The following DSCAM variants were observed in gnomAD, a reference collection of about 807,000 sequenced individuals.
DSCAM encodes the protein cell adhesion molecule DSCAM.
Under a neutral mutation model 217.7 loss-of-function variants are expected in DSCAM, and 47 were observed. The ratio of observed to expected loss-of-function variants is 0.22; its 90% CI spans 0.17 to 0.28. The LOEUF is 0.28. Among genes scored for constraint, DSCAM ranks in the 10% least tolerant of loss-of-function variants. DSCAM has a pLI of 1.00. For missense variants in DSCAM, 2,080 were observed against 2,618.3 expected (o/e 0.79, Z 4.49); for synonymous variants, 1,056 against 1,015.3 (o/e 1.04, Z -0.76).
At chr21:40,464,743 C>CTTTTCT (rs1555923277) in intron 3 of DSCAM, among the ~76,000 whole-genome samples, 1 of 141,248 alleles carries the variant, frequency 7.1e-6, no homozygotes, top group African/African-American at 2.6e-5. Flanking sequence ...CCAGAACCAT[C>CTTTTCT]TTTTTTTTTT....
At chr21:40,452,548 T>C (rs1228284929) in intron 3 of DSCAM, among the ~76,000 whole-genome samples, 2 of 152,150 alleles carry the variant, frequency 1.3e-5, no homozygotes, top group Non-Finnish European at 2.9e-5. Flanking sequence ...TTATACAAAG[T>C]ATAAAATATA....
chr21:40,463,876 C>T (rs541978205), intron 3 of DSCAM, among the ~76,000 whole-genome samples: 13 of 152,308 alleles, frequency 8.5e-5, no homozygotes, highest in African/African-American at 3.1e-4. Context: ...CACTAGAAAG[C>T]ACCTCTGAAG....
intron 10 of DSCAM, among the ~76,000 whole-genome samples, chr21:40,283,369 G>A (rs1030052107): frequency 2.6e-5 from 4 of 152,246 alleles, no homozygotes; most frequent in Middle Eastern, 3.4e-3. Flanking sequence ...TCAATGCTCC[G>A]TTACATGAAA....
chr21:40,796,397 A>T lies in DSCAM; in HGVS notation c.43+50222T>A, dbSNP rs573077972. ...ACTTGTGGCCAACAGTCAGTCCAACACGTAATGTGAGCACAAAATAAATCT... is the reference window on the plus strand; with the variant it reads ...ACTTGTGGCCAACAGTCAGTCCAACTCGTAATGTGAGCACAAAATAAATCT... On this transcript the variant is annotated intron_variant, in intron 1 of 32. Coordinates refer to ENST00000400454, the MANE Select transcript of DSCAM (RefSeq NM_001389.5). Among the ~76,000 whole-genome samples the T allele has an allele frequency of 2.0e-5, 3 of 152,362 alleles. No individual in the cohort carries two copies. In the South Asian group the frequency reaches 6.2e-4, roughly 32 times the overall value.
chr21:40,137,422 G>A (rs558741161), intron 18 of DSCAM, among the ~76,000 whole-genome samples: 143 of 152,164 alleles, frequency 9.4e-4, no homozygotes, highest in African/African-American at 3.3e-3. Context: ...CTATTTTCCT[G>A]ATGACAGATA....
intron 3 of DSCAM, among the ~76,000 whole-genome samples, chr21:40,432,683 A>C (rs765209439): frequency 9.9e-5 from 15 of 152,226 alleles, no homozygotes; most frequent in Non-Finnish European, 2.1e-4. Flanking sequence ...CAACGAAGCC[A>C]GAAGATGAGC....
At chr21:40,795,121 G>A (rs117344523) in intron 1 of DSCAM, among the ~76,000 whole-genome samples, 1,834 of 143,720 alleles carry the variant, frequency 0.013, 17 homozygotes, top group Non-Finnish European at 0.019. Context: ...TATTCACAAC[G>A]CAAACTCTCG....
chr21:40,557,417 C>T (rs920391039), intron 3 of DSCAM, among the ~76,000 whole-genome samples: 40 of 152,078 alleles, frequency 2.6e-4, no homozygotes, highest in African/African-American at 8.9e-4. Flanking sequence ...TGCAGTGGTG[C>T]GATCTCAGCT....
At chr21:40,790,382 G>A (rs977507152) in intron 1 of DSCAM, among the ~76,000 whole-genome samples, 4 of 151,930 alleles carry the variant, frequency 2.6e-5, no homozygotes, top group Non-Finnish European at 1.5e-5. Flanking sequence ...GGGTTTCGCC[G>A]TGTTGGCCAG....
intron 3 of DSCAM, among the ~76,000 whole-genome samples, chr21:40,643,750 C>A (rs927963710): frequency 1.3e-5 from 2 of 152,152 alleles, no homozygotes; most frequent in African/African-American, 4.8e-5. Flanking sequence ...GTTGGCCACA[C>A]ACAGAGATAC....
chr21:40,454,711 G>A (rs2075749285), intron 3 of DSCAM, among the ~76,000 whole-genome samples: 1 of 152,226 alleles, frequency 6.6e-6, no homozygotes, highest in Non-Finnish European at 1.5e-5. Context: ...GGTCTCTGCA[G>A]TATCTCAGGC....
intron 11 of DSCAM, among the ~76,000 whole-genome samples, chr21:40,244,610 G>T (rs1163115703): frequency 6.6e-6 from 1 of 152,210 alleles, no homozygotes; most frequent in African/African-American, 2.4e-5. Context: ...GGGCGCACGA[G>T]GAAAGCTGCT....
At chr21:40,601,200 G>A (rs2077059297) in intron 3 of DSCAM, among the ~76,000 whole-genome samples, 1 of 152,136 alleles carries the variant, frequency 6.6e-6, no homozygotes, top group East Asian at 1.9e-4. Context: ...TATTTCATTA[G>A]AGTTTTGTAG....
chr21:40,558,048 ATATAAG>A (rs71821362), intron 3 of DSCAM, among the ~76,000 whole-genome samples: 68,125 of 151,528 alleles, frequency 0.45, 16,520 homozygotes, highest in Admixed American at 0.55. Flanking sequence ...TGCATAGATA[ATATAAG>A]TATACTTCCA....
chr21:40,348,298 C>G (rs2074585771), intron 5 of DSCAM, among the ~76,000 whole-genome samples: 1 of 101,434 alleles, frequency 9.9e-6, no homozygotes, highest in Admixed American at 1.0e-4. Flanking sequence ...CAGAGAGTTC[C>G]TATCAGCCAC....
At chr21:40,141,615 C>T (rs1017056484) in intron 18 of DSCAM, among the ~76,000 whole-genome samples, 2 of 151,672 alleles carry the variant, frequency 1.3e-5, no homozygotes, top group Non-Finnish European at 2.9e-5. Flanking sequence ...GAGACCCTGT[C>T]TCAAAAAAAG....
intron 3 of DSCAM, among the ~76,000 whole-genome samples, chr21:40,620,061 AAG>A (rs758393244): frequency 1.8e-5 from 2 of 110,782 alleles, no homozygotes; most frequent in Non-Finnish European, 3.8e-5. Flanking sequence ...AAGAAAAAGA[AAG>A]AAAGAGAGAA....
intron 1 of DSCAM, among the ~76,000 whole-genome samples, chr21:40,727,446 TGA>T (rs1555884162): frequency 1.3e-5 from 2 of 152,226 alleles, no homozygotes; most frequent in Admixed American, 6.5e-5. Flanking sequence ...CCTTAAAATA[TGA>T]GAGTTTTAAT....
chr21:40,410,732 T>A (rs1195916398), intron 3 of DSCAM, among the ~76,000 whole-genome samples: 1 of 151,148 alleles, frequency 6.6e-6, no homozygotes, highest in African/African-American at 2.4e-5. Flanking sequence ...AAAGAAAAAC[T>A]GTTGATATAG....
Sources: gnomAD v4.1 joint callset for allele counts (sites outside exome capture counted in the v4.1 genomes callset) on GRCh38, gnomAD v4.1.1 for gene constraint, MANE v1.5 for transcripts, NCBI Gene and HGNC (gene_info 2026-07-23, HGNC 2026-07-21) for gene names.